Variants in SMG6 observed in about 807,000 individuals in gnomAD.
SMG6 encodes SMG6 nonsense mediated mRNA decay factor, also known as telomerase-binding protein EST1A.
Under a neutral mutation model 142.2 loss-of-function variants are expected in SMG6, and 66 were observed. The ratio of observed to expected loss-of-function variants is 0.46; its 90% confidence interval spans 0.38 to 0.57. The LOEUF is 0.57. SMG6 is among the 20% of genes least tolerant of loss of function. The pLI, the probability that SMG6 is intolerant of heterozygous loss-of-function variation, is 0.00. For synonymous variants in SMG6, 779 were observed against 702.4 expected, an observed-to-expected ratio of 1.11 and a Z score of -1.72; for missense variants, 1,793 against 1,832.0, an observed-to-expected ratio of 0.98 and a Z score of 0.39.
At chr17:2,172,957 G>C in intron 12 of SMG6, 98 bp from the exon 13 acceptor site, 1 of 1,188,438 alleles carries the variant, frequency 8.4e-7, no homozygotes. Flanking sequence ...TGCAGCAAAT[G>C]TTGTCTAGGC....
chr17:2,080,409 C>T (rs754341399), intron 15 of SMG6, among the ~76,000 whole-genome samples: 2 of 152,174 alleles, frequency 1.3e-5, no homozygotes, highest in Admixed American at 6.5e-5. Context: ...CACAGCGAGA[C>T]TCTGTCTCAA....
rs189013884 is a variant in SMG6 at position 2,127,703 on chromosome 17, G to T, written c.3358-41802C>A. On this transcript the variant is annotated intron_variant, in intron 13 of 18. Coordinates refer to ENST00000263073, the MANE Select transcript of SMG6 (RefSeq NM_017575.5). Reference sequence around the variant, plus strand: ...TTGAAGTCTAATTTAGTATCTGTTCGGACTTTAATCACTTCATCCATTACT... The same window carrying T: ...TTGAAGTCTAATTTAGTATCTGTTCTGACTTTAATCACTTCATCCATTACT... 8.8e-6 allele frequency: 5 copies of T among 565,906 alleles called. No homozygotes were observed. In the African/African-American group the frequency reaches 9.4e-5, roughly 11 times the overall value. The allele number at this position is 565,906 out of a possible 1,614,324, so 35.1% of individuals were successfully genotyped here. A position where few individuals can be genotyped will look rare whatever the true frequency, so the allele number is the denominator to read the frequency against.
chr17:2,234,706 AATTATT>A (rs201482826), intron 10 of SMG6, among the ~76,000 whole-genome samples: 1 of 150,798 alleles, frequency 6.6e-6, no homozygotes, highest in African/African-American at 2.4e-5. Context: ...TTTAATTCTT[AATTATT>A]ATTATTATTA....
rs1322228347 is a variant in SMG6 at position 2,300,252 on chromosome 17, T to C, written c.501A>G (p.Glu167=). ...TCAGTTGTTCTACCTGGTTGAGGAC[T>C]TCTTCCTCCTCCACCCGACTGGCGG... is the stretch of plus-strand genomic sequence containing the variant. ...KESASRVEEE[E]VLNQVEQLRV... Residue 167 remains glutamate, a synonymous_variant, in exon 2 of 19, where the codon GAA becomes GAG. Coordinates refer to ENST00000263073, the MANE Select transcript of SMG6 (RefSeq NM_017575.5). The C allele has an allele frequency of 1.2e-6, 2 of 1,614,192 alleles. No homozygotes were observed. The highest frequency in any genetic ancestry group is 1.7e-6 in the Non-Finnish European group (2 of 1,180,036).
rs956430585 is a variant in SMG6 at position 2,188,436 on chromosome 17, G to T, written c.2949C>A (p.Val983=). Residue 983 remains valine, a synonymous_variant, in exon 11 of 19, where the codon GTC becomes GTA. Coordinates refer to ENST00000263073, the MANE Select transcript of SMG6 (RefSeq NM_017575.5). Reference sequence around the variant, plus strand: ...CCTTAAGTAAGCAGGTGCAGCGGCGGACCAGTAGAGAAAACATGGCCAAGC... The same window carrying T: ...CCTTAAGTAAGCAGGTGCAGCGGCGTACCAGTAGAGAAAACATGGCCAAGC... ...ALGLAMFSLL[V]RRCTCLLKES... The T allele has an allele frequency of 1.2e-6, 2 of 1,614,120 alleles. No individual in the cohort carries two copies. The highest frequency in any genetic ancestry group is 1.7e-6 in the Non-Finnish European group (2 of 1,180,018).
intron 8 of SMG6, chr17:2,255,795 G>A: frequency 4.5e-6 from 1 of 222,614 alleles, no homozygotes; most frequent in South Asian, 5.6e-5. Context: ...GTGTCTGTGT[G>A]GAAGGAAGTA....
intron 13 of SMG6, among the ~76,000 whole-genome samples, chr17:2,107,813 G>A (rs1435462715): frequency 6.6e-6 from 1 of 152,210 alleles, no homozygotes. Context: ...CAAGCGGGGT[G>A]GGACTGCAGA....
chr17:2,283,921 T>C (rs987842279), intron 6 of SMG6, among the ~76,000 whole-genome samples, 186 bp from the exon 7 acceptor site: 2 of 152,114 alleles, frequency 1.3e-5, no homozygotes, highest in Non-Finnish European at 1.5e-5. Context: ...GATCTCTTCT[T>C]GCACAGTATT....
chr17:2,300,017 G>T lies in SMG6; in HGVS notation c.736C>A (p.Arg246Ser), dbSNP rs778121129. The T allele has an allele frequency of 2.5e-6, 4 of 1,614,034 alleles. No individual in the cohort carries two copies. The highest frequency in any genetic ancestry group is 1.7e-5 in the Admixed American group (1 of 60,010). Reference sequence around the variant, plus strand: ...TAGCGATTCCTTCGTTTGTCTGAGCGGGAGTAGCGCTTTGCGGAGCCCGGC... The same window carrying T: ...TAGCGATTCCTTCGTTTGTCTGAGCTGGAGTAGCGCTTTGCGGAGCCCGGC... ...GRPGSAKRYSRSDKRRNRYRT... is the reference protein window; with the variant it reads ...GRPGSAKRYSSSDKRRNRYRT... Residue 246 changes from arginine (R) to serine (S), a missense_variant, in exon 2 of 19, where the codon CGC (arginine) becomes AGC (serine). Physicochemically the swap from Arg to Ser is moderately radical, Grantham distance 110. This residue lies in a region of SMG6 where 1,597 missense variants were observed against 1,584.6 expected (regional missense o/e 1.01). Coordinates refer to ENST00000263073, the MANE Select transcript of SMG6 (RefSeq NM_017575.5).
chr17:2,296,573 C>T (rs566043549), intron 4 of SMG6, among the ~76,000 whole-genome samples: 5 of 152,178 alleles, frequency 3.3e-5, no homozygotes, highest in Non-Finnish European at 5.9e-5. Context: ...CTCACAGGTG[C>T]GCAAACCCTA....
intron 13 of SMG6, among the ~76,000 whole-genome samples, chr17:2,118,456 T>C (rs2069576894): frequency 6.6e-6 from 1 of 152,144 alleles, no homozygotes; most frequent in African/African-American, 2.4e-5. Context: ...CGAGAATCAC[T>C]TGAACCTGGG....
intron 8 of SMG6, among the ~76,000 whole-genome samples, chr17:2,249,143 T>C (rs1040068425): frequency 3.3e-5 from 5 of 152,068 alleles, no homozygotes; most frequent in African/African-American, 7.2e-5. Flanking sequence ...TCCGCCCGCC[T>C]TGGCCTCCCA....
intron 15 of SMG6, among the ~76,000 whole-genome samples, chr17:2,081,298 G>T (rs1001168742): frequency 6.6e-6 from 1 of 152,198 alleles, no homozygotes; most frequent in Non-Finnish European, 1.5e-5. Context: ...GCTGATGGGG[G>T]TCAAAGTCCC....
intron 13 of SMG6, among the ~76,000 whole-genome samples, chr17:2,169,297 T>A (rs2071432849): frequency 6.7e-6 from 1 of 148,878 alleles, no homozygotes; most frequent in African/African-American, 2.5e-5. Context: ...GGTGACAAAG[T>A]GAGACTCATC....
intron 13 of SMG6, among the ~76,000 whole-genome samples, chr17:2,129,057 T>C (rs75808496): frequency 0.01 from 1,568 of 152,240 alleles, 30 homozygotes; most frequent in African/African-American, 0.035. Flanking sequence ...AATTAGAATT[T>C]TATTACTGGG....
chr17:2,169,303 T>G (rs1458359746), intron 13 of SMG6, among the ~76,000 whole-genome samples: 1 of 148,990 alleles, frequency 6.7e-6, no homozygotes, highest in Non-Finnish European at 1.5e-5. Context: ...AAAGTGAGAC[T>G]CATCTCTTAA....
chr17:2,105,767 C>A (rs1248845295), intron 13 of SMG6, among the ~76,000 whole-genome samples: 2 of 152,172 alleles, frequency 1.3e-5, no homozygotes, highest in Non-Finnish European at 2.9e-5. Context: ...TTTCATTTCA[C>A]TGGACATAAT....
chr17:2,163,919 C>T (rs897745691), intron 13 of SMG6, among the ~76,000 whole-genome samples: 3 of 151,480 alleles, frequency 2.0e-5, no homozygotes, highest in Non-Finnish European at 4.4e-5. Context: ...AAAAATTAGC[C>T]GGTGTGGTGG....
At chr17:2,230,301 G>A (rs1316363274) in intron 10 of SMG6, among the ~76,000 whole-genome samples, 8 of 82,624 alleles carry the variant, frequency 9.7e-5, no homozygotes, top group Admixed American at 7.3e-4. Flanking sequence ...AGTCCATGTC[G>A]GGGCAAAAAA....
Sources: allele counts gnomAD v4.1 joint callset (sites outside exome capture counted in the v4.1 genomes callset), GRCh38; gene constraint gnomAD v4.1.1; regional missense constraint gnomAD v4.1.1; transcripts MANE v1.5; gene names NCBI Gene and HGNC (gene_info 2026-07-23, HGNC 2026-07-21).